The following JMJD1C variants were observed in gnomAD, a reference collection of about 807,000 sequenced individuals.
JMJD1C encodes the protein jumonji domain-containing protein 1C.
Under a neutral mutation model 245.3 loss-of-function variants are expected in JMJD1C, and 31 were observed. The observed-to-expected ratio is 0.13, with a 90% CI of 0.09 to 0.17. The LOEUF (loss-of-function observed/expected upper bound fraction) is 0.17. Ranked by LOEUF, JMJD1C falls within the 10% of genes least tolerant of loss-of-function variation. The pLI is 1.00. For synonymous variants in JMJD1C, 1,057 were observed against 1,017.4 expected, an observed-to-expected ratio of 1.04 and a Z score of -0.74; for missense variants, 2,691 against 3,000.2, an observed-to-expected ratio of 0.90 and a Z score of 2.41.
chr10:63,460,974 G>A (rs1952754302), intron 1 of JMJD1C, among the ~76,000 whole-genome samples: 1 of 152,072 alleles, frequency 6.6e-6, no homozygotes, highest in Admixed American at 6.5e-5. Flanking sequence ...TTTAAAATAT[G>A]TGCCAGAACA....
At chr10:63,399,337 T>A (rs1014880178) in intron 1 of JMJD1C, among the ~76,000 whole-genome samples, 3 of 152,262 alleles carry the variant, frequency 2.0e-5, no homozygotes, top group Middle Eastern at 3.4e-3. Context: ...AAATCAACCA[T>A]ATATCCAAGG....
chr10:63,418,274 G>A (rs1949912254), intron 1 of JMJD1C, among the ~76,000 whole-genome samples: 1 of 152,082 alleles, frequency 6.6e-6, no homozygotes, highest in Non-Finnish European at 1.5e-5. Context: ...CTGGTCTGGG[G>A]ACCACACTTT....
chr10:63,521,587 T>C, intron 1 of JMJD1C: 3 of 1,404,498 alleles, frequency 2.1e-6, no homozygotes, highest in South Asian at 1.5e-5. Context: ...TGTAAGTGCC[T>C]CTCACTGCGC....
At chr10:63,496,378 A>G (rs1348405509) in intron 1 of JMJD1C, among the ~76,000 whole-genome samples, 1 of 152,200 alleles carries the variant, frequency 6.6e-6, no homozygotes, top group Admixed American at 6.5e-5. Context: ...AAAAAATAAG[A>G]TAATTGGGGA....
chr10:63,306,540 A>C (rs7092139), intron 2 of JMJD1C, among the ~76,000 whole-genome samples: 101,084 of 152,134 alleles, frequency 0.66, 36,197 homozygotes, highest in Non-Finnish European at 0.81. Context: ...AAAAGAAAAA[A>C]TGTATGACTG....
chr10:63,300,133 G>C (rs1452772658), intron 2 of JMJD1C, among the ~76,000 whole-genome samples: 1 of 152,168 alleles, frequency 6.6e-6, no homozygotes, highest in Non-Finnish European at 1.5e-5. Flanking sequence ...TTACATTAAA[G>C]TTAATACAAT....
At chr10:63,477,568 A>C (rs1469126994) in intron 1 of JMJD1C, among the ~76,000 whole-genome samples, 1 of 151,752 alleles carries the variant, frequency 6.6e-6, no homozygotes, top group Non-Finnish European at 1.5e-5. Flanking sequence ...AAAAAAAAAA[A>C]AACAACGAAC....
chr10:63,479,968 T>C (rs6479903), intron 1 of JMJD1C, among the ~76,000 whole-genome samples: 22,253 of 152,158 alleles, frequency 0.15, 3,787 homozygotes, highest in African/African-American at 0.41. Flanking sequence ...GTGGATTTCT[T>C]TGGGTGATAG....
intron 2 of JMJD1C, among the ~76,000 whole-genome samples, chr10:63,309,081 A>ATT (rs1365847817): frequency 6.6e-6 from 1 of 152,192 alleles, no homozygotes; most frequent in African/African-American, 2.4e-5. Context: ...ACCATTCAAG[A>ATT]AAGACCAAAC....
chr10:63,242,407 G>A (rs960683120), intron 3 of JMJD1C, among the ~76,000 whole-genome samples: 6 of 152,050 alleles, frequency 3.9e-5, no homozygotes, highest in Admixed American at 3.3e-4. Context: ...ACCAATAACG[G>A]ACACAGCAGG....
At chr10:63,330,871 GTTC>G (rs1323522428) in intron 2 of JMJD1C, among the ~76,000 whole-genome samples, 3 of 152,030 alleles carry the variant, frequency 2.0e-5, no homozygotes, top group Non-Finnish European at 4.4e-5. Context: ...AAGACTTATT[GTTC>G]TTATTTTTCC....
intron 3 of JMJD1C, among the ~76,000 whole-genome samples, chr10:63,246,875 A>AT (rs1364697526): frequency 2.0e-5 from 3 of 152,016 alleles, no homozygotes; most frequent in East Asian, 3.9e-4. Flanking sequence ...ACTTAATTAA[A>AT]TTTTTTTTAA....
intron 2 of JMJD1C, among the ~76,000 whole-genome samples, chr10:63,376,644 A>T (rs1946764933): frequency 6.6e-6 from 1 of 152,224 alleles, no homozygotes; most frequent in African/African-American, 2.4e-5. Context: ...CTCAAAAGAC[A>T]TACAAATGGC....
intron 1 of JMJD1C, among the ~76,000 whole-genome samples, chr10:63,439,763 A>G (rs1386863839): frequency 6.6e-6 from 1 of 152,084 alleles, no homozygotes; most frequent in Non-Finnish European, 1.5e-5. Context: ...TGTAGATCAT[A>G]AAAAAGTCAC....
chr10:63,351,722 C>T lies in JMJD1C; in HGVS notation c.333+28596G>A, dbSNP rs528627749. Among the ~76,000 whole-genome samples, 6 of 152,160 alleles carry T rather than the reference C, an allele frequency of 3.9e-5. No individual in the cohort carries two copies. In the South Asian group the frequency reaches 8.3e-4, roughly 21 times the overall value. On this transcript the variant is annotated intron_variant, in intron 2 of 25. Coordinates refer to ENST00000399262, the MANE Select transcript of JMJD1C (RefSeq NM_032776.3). The stretch of plus-strand genomic sequence containing the variant: ...ACTACTCATTGGGATAACAGAGTAC[C>T]AGAAGTAAACCTACCCTAATTCTTT...
intron 3 of JMJD1C, among the ~76,000 whole-genome samples, chr10:63,246,592 TAA>T (rs1460769688): frequency 1.3e-5 from 2 of 151,978 alleles, no homozygotes; most frequent in Admixed American, 1.3e-4. Flanking sequence ...ATGTAAGATA[TAA>T]GTTCTTCAAT....
intron 2 of JMJD1C, among the ~76,000 whole-genome samples, chr10:63,375,991 T>C (rs992734233): frequency 5.9e-5 from 9 of 152,222 alleles, no homozygotes; most frequent in Non-Finnish European, 1.3e-4. Context: ...AAAACTATCC[T>C]GAGAAAGAAG....
chr10:63,223,681 T>A (rs1431727502), intron 3 of JMJD1C, among the ~76,000 whole-genome samples: 1 of 152,260 alleles, frequency 6.6e-6, no homozygotes, highest in Admixed American at 6.5e-5. Context: ...ACCAGTTGCC[T>A]ATGTTTAAAT....
chr10:63,326,114 G>C (rs1035470775), intron 2 of JMJD1C, among the ~76,000 whole-genome samples: 3 of 152,124 alleles, frequency 2.0e-5, no homozygotes, highest in African/African-American at 7.2e-5. Flanking sequence ...ACATGAATAG[G>C]TGACAAATAA....
Sources: allele counts gnomAD v4.1 joint callset (sites outside exome capture counted in the v4.1 genomes callset), GRCh38; gene constraint gnomAD v4.1.1; transcripts MANE v1.5; gene names NCBI Gene and HGNC (gene_info 2026-07-23, HGNC 2026-07-21).